TCTN3: variants seen among roughly 807,000 people sequenced by gnomAD.
The protein encoded by TCTN3 is tectonic family member 3, also known as tectonic-3.
Under a neutral mutation model 71.3 loss-of-function variants are expected in TCTN3, and 57 were observed. The ratio of observed to expected loss-of-function variants is 0.80; its 90% CI spans 0.65 to 1.00. The LOEUF (loss-of-function observed/expected upper bound fraction) is 1.00. Ranked by LOEUF, TCTN3 falls within the 50% of genes least tolerant of loss-of-function variation. The pLI is 0.00. For synonymous variants in TCTN3, 258 were observed against 267.8 expected, an observed-to-expected ratio of 0.96 and a Z score of 0.36; for missense variants, 696 against 719.9, an observed-to-expected ratio of 0.97 and a Z score of 0.38.
intron 12 of TCTN3, 110 bp downstream of exon 12, chr10:95,682,541 C>T: frequency 7.7e-7 from 1 of 1,300,904 alleles, no homozygotes; most frequent in South Asian, 1.5e-5. Flanking sequence ...ACTCTTCCTT[C>T]TATGACAAAT....
Position 95,687,343 on chromosome 10 carries a change from T to A in TCTN3, c.640A>T (p.Ile214Phe), listed in dbSNP as rs1566074734. The change falls in exon 5 of 14, where the codon ATT becomes TTT. Residue 214 changes from isoleucine to phenylalanine, a missense_variant. Transcript: ENST00000371217. ...GACCACTTGGGGAAGTAAGTAAGAATGGGGTCCCCAGCCTGAATAAAATAT... is the reference window on the plus strand; with the variant it reads ...GACCACTTGGGGAAGTAAGTAAGAAAGGGGTCCCCAGCCTGAATAAAATAT... ...PPSFYRAGDP[I>F]LTYFPKWSVI... The A allele has an allele frequency of 1.2e-6, 2 of 1,613,254 alleles. No individual in the cohort carries two copies. Among genetic ancestry groups the A allele is most frequent in the African/African-American group, 2.7e-5 (2 of 74,986 alleles).
chr10:95,680,518 G>A lies in TCTN3; in HGVS notation c.1544C>T (p.Ala515Val), dbSNP rs1159410967. ...TAGGAATCGAACTCCTGATACATGA[G>A]CTTGCGGGTTGGACAGGAGACCTAC... ...AYVGLLSNPQ[A>V]HVSGVRFLYQ... is the part of the protein sequence containing the mutation. The change falls in exon 13 of 14, where the codon GCT (alanine) becomes GTT (valine). Residue 515 changes from alanine (A) to valine (V), a missense_variant. Physicochemically the swap from Ala to Val is moderately conservative, Grantham distance 64. Transcript: ENST00000371217. 3 of 1,614,022 alleles carry A rather than the reference G, an allele frequency of 1.9e-6. No homozygotes were observed. The African/African-American group carries it at 4.0e-5, about 22-fold the overall frequency.
At chr10:95,681,753 C>T (rs2097943242) in intron 12 of TCTN3, among the ~76,000 whole-genome samples, 1 of 152,170 alleles carries the variant, frequency 6.6e-6, no homozygotes, top group African/African-American at 2.4e-5. Flanking sequence ...ATTTTAACCT[C>T]ATGAAACTCT....
intron 13 of TCTN3, among the ~76,000 whole-genome samples, chr10:95,674,469 T>C (rs2139714606): frequency 6.6e-6 from 1 of 152,266 alleles, no homozygotes; most frequent in Non-Finnish European, 1.5e-5. Context: ...ATATTTTATC[T>C]ATACACACGG....
intron 13 of TCTN3, among the ~76,000 whole-genome samples, chr10:95,679,306 C>T (rs7920850): frequency 0.84 from 127,940 of 152,168 alleles, 54,341 homozygotes; most frequent in Non-Finnish European, 0.91. Flanking sequence ...ACACAGTAAC[C>T]AAAAAATATA....
intron 11 of TCTN3, 53 bp from the exon 12 acceptor site, chr10:95,682,857 C>G: frequency 6.4e-7 from 1 of 1,569,386 alleles, no homozygotes; most frequent in Non-Finnish European, 8.7e-7. Context: ...AATAATATAC[C>G]TATATTAGTA....
chr10:95,687,369 A>G lies in TCTN3; in HGVS notation c.628-14T>C, dbSNP rs1289293655. On this transcript the variant is annotated splice_polypyrimidine_tract_variant and intron_variant, in intron 4 of 13. Transcript: ENST00000371217. ...GGGGTCCCCAGCCTGAATAAAATATAAAAGAAACTTTGTTCACAGTGAGAC... is the reference window on the plus strand; with the variant it reads ...GGGGTCCCCAGCCTGAATAAAATATGAAAGAAACTTTGTTCACAGTGAGAC... 4 of 1,591,146 alleles carry G rather than the reference A, an allele frequency of 2.5e-6. No homozygotes were observed. Among genetic ancestry groups the G allele is most frequent in the Admixed American group, 1.8e-5 (1 of 54,152 alleles).
At chr10:95,669,456 C>T (rs2097928691) in intron 13 of TCTN3, among the ~76,000 whole-genome samples, 3 of 152,210 alleles carry the variant, frequency 2.0e-5, no homozygotes, top group Admixed American at 2.0e-4. Flanking sequence ...TTACCTGTGG[C>T]ATCTCTAAAT....
At chr10:95,681,628 C>T (rs1200511326) in intron 12 of TCTN3, among the ~76,000 whole-genome samples, 1 of 152,092 alleles carries the variant, frequency 6.6e-6, no homozygotes, top group Non-Finnish European at 1.5e-5. Flanking sequence ...GGATTAATTG[C>T]AAAATGCAGA....
intron 13 of TCTN3, among the ~76,000 whole-genome samples, chr10:95,668,895 T>A (rs1365156592): frequency 6.6e-6 from 1 of 152,200 alleles, no homozygotes; most frequent in Admixed American, 6.5e-5. Context: ...TATGGCAAGT[T>A]CAACTATTTG....
chr10:95,690,119 C>T (rs2097952179), intron 3 of TCTN3, among the ~76,000 whole-genome samples: 1 of 151,960 alleles, frequency 6.6e-6, no homozygotes, highest in East Asian at 1.9e-4. Context: ...AAGTAGCTGG[C>T]ACTACAGGCA....
intron 13 of TCTN3, among the ~76,000 whole-genome samples, chr10:95,674,671 C>G (rs1440755649): frequency 6.6e-6 from 1 of 152,156 alleles, no homozygotes; most frequent in African/African-American, 2.4e-5. Context: ...AGACTCCTAT[C>G]CAAAAACATA....
chr10:95,680,758 A>C, intron 12 of TCTN3, 149 bp from the exon 13 acceptor site: 3 of 802,660 alleles, frequency 3.7e-6, no homozygotes, highest in Non-Finnish European at 5.5e-6. Flanking sequence ...TCACAATAAG[A>C]CTATGTTATT....
Position 95,683,639 on chromosome 10 carries a change from G to C in TCTN3, c.1096-10C>G, listed in dbSNP as rs960360672. On this transcript the variant is annotated splice_polypyrimidine_tract_variant and intron_variant, in intron 9 of 13. Coordinates refer to ENST00000371217, the MANE Select transcript of TCTN3 (RefSeq NM_015631.6). ...TGCTCTGTTGAAAAGCCTGCAGAAA[G>C]AGGGAAGAGAAGTCAATTATGGAGA... 1.3e-6 allele frequency: 2 copies of C among 1,599,980 alleles called. No homozygotes were observed. Among genetic ancestry groups the C allele is most frequent in the African/African-American group, 1.3e-5 (1 of 74,382 alleles).
intron 13 of TCTN3, among the ~76,000 whole-genome samples, chr10:95,669,868 C>T (rs983471690): frequency 6.6e-6 from 1 of 151,566 alleles, no homozygotes; most frequent in Non-Finnish European, 1.5e-5. Context: ...TCGAGACCAT[C>T]CTGGCTAACA....
chr10:95,676,628 G>C (rs922770095), intron 13 of TCTN3, among the ~76,000 whole-genome samples: 1 of 152,020 alleles, frequency 6.6e-6, no homozygotes, highest in Admixed American at 6.6e-5. Context: ...TTGCAAACTC[G>C]GTCATGATAT....
In TCTN3 at chr10:95,687,643, G is replaced by A. The variant is rs143020764; in HGVS notation, c.576C>T (p.Gly192=). The change falls in exon 4 of 14, where the codon GGC becomes GGT. Residue 192 remains glycine, a synonymous_variant. Coordinates refer to ENST00000371217, the MANE Select transcript of TCTN3 (RefSeq NM_015631.6). ...TTTGGAATGTTGAAGTGAATGATTC[G>A]CCTCCAAACTCTGCAGCCAGGGCCT... ...NFQALAAEFG[G]ESFTSTFQTQ... 90 of 1,613,984 alleles carry A rather than the reference G, an allele frequency of 5.6e-5. 1 individual carries two copies. Among genetic ancestry groups the A allele is most frequent in the Admixed American group, 4.0e-4 (24 of 59,990 alleles).
chr10:95,682,220 G>A (rs540850494), intron 12 of TCTN3, among the ~76,000 whole-genome samples: 1 of 138,528 alleles, frequency 7.2e-6, no homozygotes, highest in East Asian at 2.2e-4. Context: ...GGCCAGGCGC[G>A]GTGGCTCATG....
intron 3 of TCTN3, among the ~76,000 whole-genome samples, chr10:95,689,879 G>A (rs1229090428): frequency 6.6e-6 from 1 of 152,206 alleles, no homozygotes; most frequent in African/African-American, 2.4e-5. Context: ...GCAGAGCCAA[G>A]AGTAGATTGC....
Sources: gnomAD v4.1 joint callset for allele counts (sites outside exome capture counted in the v4.1 genomes callset) on GRCh38, gnomAD v4.1.1 for gene constraint, MANE v1.5 for transcripts, NCBI Gene and HGNC (gene_info 2026-07-23, HGNC 2026-07-21) for gene names.